The following BPGM variants were observed in gnomAD, a reference collection of about 807,000 sequenced individuals.
The protein encoded by BPGM is 2,3-bisphosphoglycerate mutase, erythrocyte.
A neutral mutation model predicts 21.6 loss-of-function variants in BPGM; 15 were observed. That is an observed-to-expected ratio of 0.70 (90% CI 0.47 to 1.07). The LOEUF is 1.07. Among genes scored for constraint, BPGM ranks in the 50% least tolerant of loss-of-function variants. The pLI, the probability that BPGM is intolerant of heterozygous loss-of-function variation, is 0.00. For missense variants in BPGM, 273 were observed against 319.0 expected, an observed-to-expected ratio of 0.86 and a Z score of 1.10; for synonymous variants, 113 against 116.2, an observed-to-expected ratio of 0.97 and a Z score of 0.18.
chr7:134,657,058 A>G lies in BPGM; in HGVS notation c.-61-4389A>G, dbSNP rs116972441. 6.8e-4 allele frequency among the ~76,000 whole-genome samples: 104 copies of G among 152,340 alleles called. 2 individuals are homozygous for G. The East Asian group carries it at 0.016, about 24-fold the overall frequency. On this transcript the variant is annotated intron_variant, in intron 1 of 2. Transcript: ENST00000344924. The stretch of plus-strand genomic sequence containing the variant: ...AGGCCCCATGCAAGTCCAAAATCCA[A>G]TAGAGCAGTTGTTACACCTTAAAGT...
chr7:134,663,386 T>G (rs201370403), intron 2 of BPGM, among the ~76,000 whole-genome samples: 2 of 126,670 alleles, frequency 1.6e-5, no homozygotes, highest in South Asian at 2.8e-4. Context: ...GTGTGTGTGT[T>G]TGTGTGTGTG....
chr7:134,679,294 A>C lies in BPGM; in HGVS notation c.*263A>C. On this transcript the variant is annotated 3_prime_UTR_variant, in exon 3 of 3. Transcript: ENST00000344924. Reference sequence around the variant, plus strand: ...TAACTAGTGGGGCTTAATGAAGGTCATAAGTTTCTGAGATGGGAGAGCAAC... The same window carrying C: ...TAACTAGTGGGGCTTAATGAAGGTCCTAAGTTTCTGAGATGGGAGAGCAAC... 1 of 467,878 alleles carries C rather than the reference A, an allele frequency of 2.1e-6. No homozygotes were observed. Among genetic ancestry groups the C allele is most frequent in the Middle Eastern group, 5.9e-4 (1 of 1,702 alleles). The allele number at this position is 467,878 out of a possible 1,614,324, so 29.0% of individuals were successfully genotyped here. A position where few individuals can be genotyped will look rare whatever the true frequency, so the allele number is the denominator to read the frequency against.
chr7:134,674,997 A>G (rs1422364979), intron 2 of BPGM, among the ~76,000 whole-genome samples: 1 of 152,120 alleles, frequency 6.6e-6, no homozygotes, highest in East Asian at 1.9e-4. Flanking sequence ...TTTGATTTGC[A>G]TTTCCTTGAT....
chr7:134,654,567 T>G (rs1795609118), intron 1 of BPGM, among the ~76,000 whole-genome samples: 1 of 152,144 alleles, frequency 6.6e-6, no homozygotes, highest in Non-Finnish European at 1.5e-5. Context: ...CAAGTAACAT[T>G]GAACTAACAT....
chr7:134,677,603 T>G (rs1796000920), intron 2 of BPGM, among the ~76,000 whole-genome samples: 11 of 152,216 alleles, frequency 7.2e-5, no homozygotes, highest in Admixed American at 7.2e-4. Context: ...GTGCATTGAT[T>G]ACTAACCAAT....
At chr7:134,675,226 T>G (rs1484041247) in intron 2 of BPGM, among the ~76,000 whole-genome samples, 3 of 152,192 alleles carry the variant, frequency 2.0e-5, no homozygotes, top group Non-Finnish European at 4.4e-5. Flanking sequence ...TTCTTAATAG[T>G]GTCCTTTGAA....
At position 134,679,400 on chromosome 7, in the gene BPGM, AGT is replaced by A. The variant is rs1405897898; in HGVS notation, c.*370_*371del. ...ATTGACAGGCACTATTCTAATCAGT[AGT>A]TCACTTTAATATTTAATAAGATTTT... On this transcript the variant is annotated 3_prime_UTR_variant, in exon 3 of 3. Coordinates refer to ENST00000344924, the MANE Select transcript of BPGM (RefSeq NM_001724.5). 2 of 232,312 alleles carry A rather than the reference AGT, an allele frequency of 8.6e-6. No homozygotes were observed. The highest frequency in any genetic ancestry group is 1.7e-5 in the Non-Finnish European group (2 of 116,838). The allele number at this position is 232,312 out of a possible 1,614,324, so 14.4% of individuals were successfully genotyped here.
rs1363513121 is a variant in BPGM at position 134,661,504 on chromosome 7, C to G, written c.-4C>G. 1 of 1,614,090 alleles carries G rather than the reference C, an allele frequency of 6.2e-7. No individual in the cohort carries two copies. The highest frequency in any genetic ancestry group is 2.2e-5 in the East Asian group (1 of 44,884). ...GAAAACGCCTGGGAAGTTCAGCCAT[C>G]AGTATGTCCAAGTACAAACTTATTA... is the stretch of plus-strand genomic sequence containing the variant. On this transcript the variant is annotated 5_prime_UTR_variant, in exon 2 of 3. It adds an upstream start codon to the 5' untranslated region. Coordinates refer to ENST00000344924, the MANE Select transcript of BPGM (RefSeq NM_001724.5). The surrounding 1 kb of genome is among the most constrained non-coding windows in gnomAD (Gnocchi z 4.6).
chr7:134,674,921 C>G (rs1795963317), intron 2 of BPGM, among the ~76,000 whole-genome samples: 1 of 152,176 alleles, frequency 6.6e-6, no homozygotes, highest in Non-Finnish European at 1.5e-5. Context: ...CTTATTCACA[C>G]TTGTTTATAA....
chr7:134,658,158 A>G (rs1585855499), intron 1 of BPGM, among the ~76,000 whole-genome samples: 1 of 152,154 alleles, frequency 6.6e-6, no homozygotes, highest in African/African-American at 2.4e-5. Context: ...TCACAGGGCA[A>G]TGGGCTGGAG....
intron 2 of BPGM, among the ~76,000 whole-genome samples, chr7:134,663,606 C>T (rs1200053164): frequency 6.6e-6 from 1 of 152,154 alleles, no homozygotes; most frequent in East Asian, 1.9e-4. Context: ...AGAGTTTCTG[C>T]CAGAGGTGTA....
chr7:134,677,407 C>T (rs888906803), intron 2 of BPGM, among the ~76,000 whole-genome samples: 2 of 152,114 alleles, frequency 1.3e-5, no homozygotes, highest in African/African-American at 4.8e-5. Context: ...AGTTAAGATC[C>T]TTTCCATTTT....
chr7:134,655,673 A>G (rs1795625978), intron 1 of BPGM, among the ~76,000 whole-genome samples: 1 of 152,200 alleles, frequency 6.6e-6, no homozygotes, highest in Admixed American at 6.5e-5. Context: ...TGAGATTCTT[A>G]AGTTAAAGTT....
chr7:134,669,874 G>T (rs1001397509), intron 2 of BPGM, among the ~76,000 whole-genome samples: 4 of 152,094 alleles, frequency 2.6e-5, no homozygotes, highest in East Asian at 3.9e-4. Flanking sequence ...ATAAGTCCAG[G>T]TTAAAAAGCA....
chr7:134,651,527 T>C (rs1478279097), intron 1 of BPGM, among the ~76,000 whole-genome samples: 1 of 152,138 alleles, frequency 6.6e-6, no homozygotes, highest in Non-Finnish European at 1.5e-5. Flanking sequence ...TGGAATTATA[T>C]AGTTTAATGA....
At chr7:134,677,200 C>A (rs1795994038) in intron 2 of BPGM, among the ~76,000 whole-genome samples, 1 of 152,184 alleles carries the variant, frequency 6.6e-6, no homozygotes, top group Admixed American at 6.5e-5. Context: ...TAAGCCACCC[C>A]TTTTATCCCA....
intron 2 of BPGM, among the ~76,000 whole-genome samples, chr7:134,666,336 G>A (rs1795821138): frequency 6.6e-6 from 1 of 152,188 alleles, no homozygotes; most frequent in African/African-American, 2.4e-5. Context: ...TCAGTAGGAA[G>A]TATGTGAACA....
At chr7:134,670,568 A>C (rs908953553) in intron 2 of BPGM, among the ~76,000 whole-genome samples, 8 of 152,186 alleles carry the variant, frequency 5.3e-5, no homozygotes, top group African/African-American at 1.9e-4. Context: ...GTGTTATTCA[A>C]ATCACCCTAG....
intron 2 of BPGM, among the ~76,000 whole-genome samples, chr7:134,669,542 A>T (rs1485570162): frequency 1.3e-5 from 2 of 152,098 alleles, no homozygotes; most frequent in Non-Finnish European, 2.9e-5. Flanking sequence ...GCGCAGATGA[A>T]TGGTACACTG....
Sources: gnomAD v4.1 joint callset for allele counts (sites outside exome capture counted in the v4.1 genomes callset) on GRCh38, gnomAD v4.1.1 for gene constraint, Gnocchi (gnomAD v3.1) non-coding constraint, MANE v1.5 for transcripts, NCBI Gene and HGNC (gene_info 2026-07-23, HGNC 2026-07-21) for gene names.